MDGA2: variants seen among roughly 807,000 people sequenced by gnomAD.
MDGA2 encodes MAM domain-containing glycosylphosphatidylinositol anchor protein 2.
A neutral mutation model predicts 117.8 loss-of-function variants in MDGA2; 40 were observed. The observed-to-expected ratio is 0.34, with a 90% CI of 0.26 to 0.44. The LOEUF (loss-of-function observed/expected upper bound fraction) is 0.44, where lower values mean the gene tolerates loss of function less well. MDGA2 is among the 20% of genes least tolerant of loss of function. The pLI, the probability that MDGA2 is intolerant of heterozygous loss-of-function variation, is 1.00. For missense variants in MDGA2, 1,123 were observed against 1,250.6 expected (o/e 0.90, Z 1.54); for synonymous variants, 452 against 439.0 (o/e 1.03, Z -0.37).
chr14:47,013,792 A>ATATATATATATC (rs1286303405), intron 8 of MDGA2, among the ~76,000 whole-genome samples: 2 of 134,078 alleles, frequency 1.5e-5, no homozygotes, highest in Non-Finnish European at 3.2e-5. Flanking sequence ...ATATATATAT[A>ATATATATATATC]TCTCCTTTTT....
chr14:47,584,369 T>G (rs1296553233), intron 1 of MDGA2, among the ~76,000 whole-genome samples: 1 of 151,834 alleles, frequency 6.6e-6, no homozygotes, highest in East Asian at 1.9e-4. Context: ...ACCTTAAATC[T>G]GAGAACATGA....
chr14:47,366,976 G>A (rs1891245543), intron 1 of MDGA2, among the ~76,000 whole-genome samples: 2 of 151,940 alleles, frequency 1.3e-5, no homozygotes, highest in Non-Finnish European at 2.9e-5. Flanking sequence ...GTAATGAGCA[G>A]AAACCTTAAT....
intron 2 of MDGA2, among the ~76,000 whole-genome samples, chr14:47,289,440 T>C (rs1020694099): frequency 2.0e-5 from 3 of 151,764 alleles, no homozygotes; most frequent in Non-Finnish European, 4.4e-5. Context: ...CTTCAGGCTA[T>C]GCTGAAGTTG....
At chr14:46,941,719 A>C (rs1184932247) in intron 9 of MDGA2, among the ~76,000 whole-genome samples, 1 of 152,018 alleles carries the variant, frequency 6.6e-6, no homozygotes. Context: ...ATATTAATAT[A>C]CATAGATGTG....
At chr14:47,641,318 G>C (rs996245157) in intron 1 of MDGA2, among the ~76,000 whole-genome samples, 1 of 129,480 alleles carries the variant, frequency 7.7e-6, no homozygotes, top group Non-Finnish European at 1.5e-5. Flanking sequence ...TCCAGAGCAT[G>C]ATGAGTTACT....
intron 5 of MDGA2, among the ~76,000 whole-genome samples, chr14:47,122,339 A>G (rs1355677494): frequency 6.6e-6 from 1 of 152,000 alleles, no homozygotes; most frequent in East Asian, 1.9e-4. Context: ...TTAATAATTG[A>G]CATTAAGACT....
At position 46,845,774 on chromosome 14, in the gene MDGA2, G is replaced by T. The variant is rs755407894; in HGVS notation, c.2981C>A (p.Ala994Glu). The stretch of plus-strand genomic sequence containing the variant: ...CAAGCAAAGATACTTACTCTTAGTT[G>T]CTAGGTCTTGTTTTGCACATTCTCC... ...AEGECAKQDL[A>E]TKNSVDGAVG... Residue 994 changes from alanine (A) to glutamate (E), a missense_variant, in exon 16 of 17, where the codon GCA becomes GAA. Ala to Glu is a moderately radical substitution (Grantham distance 107, BLOSUM62 -1). Coordinates refer to ENST00000399232, the MANE Select transcript of MDGA2 (RefSeq NM_001113498.3). 1 of 1,606,520 alleles carries T rather than the reference G, an allele frequency of 6.2e-7. No homozygotes were observed. Among genetic ancestry groups the T allele is most frequent in the South Asian group, 1.1e-5 (1 of 90,570 alleles).
At chr14:47,385,649 T>G (rs1485851649) in intron 1 of MDGA2, among the ~76,000 whole-genome samples, 1 of 152,178 alleles carries the variant, frequency 6.6e-6, no homozygotes, top group Non-Finnish European at 1.5e-5. Context: ...CTTTCCATCT[T>G]CCTTCCTCCC....
chr14:47,289,210 T>C (rs1383521621), intron 2 of MDGA2, among the ~76,000 whole-genome samples: 1 of 151,712 alleles, frequency 6.6e-6, no homozygotes, highest in Admixed American at 6.6e-5. Flanking sequence ...TTGTGTTCAA[T>C]AGGACCACAA....
chr14:47,286,454 C>CT (rs1566720568), intron 2 of MDGA2, among the ~76,000 whole-genome samples: 1 of 151,988 alleles, frequency 6.6e-6, no homozygotes, highest in Non-Finnish European at 1.5e-5. Flanking sequence ...ATTTGTAGCT[C>CT]TTACATGTTA....
intron 2 of MDGA2, among the ~76,000 whole-genome samples, chr14:47,254,116 A>G (rs1057474446): frequency 6.6e-6 from 1 of 152,120 alleles, no homozygotes; most frequent in African/African-American, 2.4e-5. Context: ...TTTCCCTCCT[A>G]GCCCTCCAGG....
chr14:47,505,159 G>A (rs1381137134), intron 1 of MDGA2, among the ~76,000 whole-genome samples: 1 of 152,076 alleles, frequency 6.6e-6, no homozygotes, highest in Non-Finnish European at 1.5e-5. Flanking sequence ...AAAAGAAAAA[G>A]TGGACATCAC....
intron 1 of MDGA2, among the ~76,000 whole-genome samples, chr14:47,453,715 T>G (rs1212051601): frequency 6.6e-6 from 1 of 152,174 alleles, no homozygotes; most frequent in Admixed American, 6.5e-5. Flanking sequence ...TTCAGAGCAG[T>G]CATTCTGATG....
At chr14:46,873,703 T>C in intron 13 of MDGA2, 112 bp from the exon 14 acceptor site, 1 of 965,832 alleles carries the variant, frequency 1.0e-6, no homozygotes, top group Non-Finnish European at 1.5e-6. Flanking sequence ...GATAGGAAGA[T>C]TTGCATCTCA....
intron 10 of MDGA2, among the ~76,000 whole-genome samples, chr14:46,896,292 T>A (rs1232113574): frequency 1.3e-5 from 2 of 152,138 alleles, no homozygotes; most frequent in African/African-American, 4.8e-5. Context: ...CCTAAAATTA[T>A]AGACATAGAA....
chr14:47,621,218 C>A (rs1054545525), intron 1 of MDGA2, among the ~76,000 whole-genome samples: 1 of 152,048 alleles, frequency 6.6e-6, no homozygotes, highest in Non-Finnish European at 1.5e-5. Flanking sequence ...ATTCTTGAAC[C>A]CTATATTAAA....
intron 10 of MDGA2, among the ~76,000 whole-genome samples, chr14:46,912,089 A>G (rs1444877567): frequency 6.6e-6 from 1 of 152,192 alleles, no homozygotes; most frequent in Non-Finnish European, 1.5e-5. Flanking sequence ...GAGGGAGAAT[A>G]TGCAATCTCC....
At chr14:46,866,075 C>A (rs1444632586) in intron 14 of MDGA2, among the ~76,000 whole-genome samples, 1 of 151,794 alleles carries the variant, frequency 6.6e-6, no homozygotes, top group Non-Finnish European at 1.5e-5. Flanking sequence ...AAAGAGCCCG[C>A]ATCACCAAGT....
chr14:47,355,455 C>G (rs773190387), intron 1 of MDGA2, among the ~76,000 whole-genome samples: 3 of 152,106 alleles, frequency 2.0e-5, no homozygotes, highest in Non-Finnish European at 4.4e-5. Context: ...CCATATCATT[C>G]TACAGCTAGA....
Sources: gnomAD v4.1 joint callset for allele counts (sites outside exome capture counted in the v4.1 genomes callset) on GRCh38, gnomAD v4.1.1 for gene constraint, MANE v1.5 for transcripts, NCBI Gene and HGNC (gene_info 2026-07-23, HGNC 2026-07-21) for gene names.